Variants in HIF1A observed in about 807,000 individuals in gnomAD.
The protein encoded by HIF1A is hypoxia-inducible factor 1-alpha.
A neutral mutation model predicts 92.7 loss-of-function variants in HIF1A; 24 were observed. The observed-to-expected ratio is 0.26, with a 90% CI of 0.19 to 0.36. The LOEUF (loss-of-function observed/expected upper bound fraction) is 0.36, where lower values mean the gene tolerates loss of function less well. Among genes scored for constraint, HIF1A ranks in the 10% least tolerant of loss-of-function variants. HIF1A has a pLI of 1.00. For synonymous variants in HIF1A, 319 were observed against 338.7 expected, an observed-to-expected ratio of 0.94 and a Z score of 0.64; for missense variants, 799 against 998.5, an observed-to-expected ratio of 0.80 and a Z score of 2.69.
At chr14:61,711,035 G>A (rs1278963243) in intron 1 of HIF1A, among the ~76,000 whole-genome samples, 1 of 122,474 alleles carries the variant, frequency 8.2e-6, no homozygotes, top group Admixed American at 9.3e-5. Context: ...GCAACAGTGC[G>A]AGACTCTGTC....
chr14:61,705,825 A>G (rs1034821840), intron 1 of HIF1A, among the ~76,000 whole-genome samples: 1 of 151,992 alleles, frequency 6.6e-6, no homozygotes, highest in African/African-American at 2.4e-5. Flanking sequence ...GAAAACAGAG[A>G]CTCTTGCTTT....
chr14:61,734,690 C>T (rs1221129615), intron 8 of HIF1A, among the ~76,000 whole-genome samples: 1 of 149,662 alleles, frequency 6.7e-6, no homozygotes, highest in Non-Finnish European at 1.5e-5. Context: ...GGGGAAGTCT[C>T]TTCATTTTTC....
Position 61,740,749 on chromosome 14 carries a change from T to C in HIF1A, c.1660-6T>C, listed in dbSNP as rs1365907594. 1 of 1,603,526 alleles carries C rather than the reference T, an allele frequency of 6.2e-7. No homozygotes were observed. Among genetic ancestry groups the C allele is most frequent in the Non-Finnish European group, 8.5e-7 (1 of 1,174,980 alleles). On this transcript the variant is annotated splice_polypyrimidine_tract_variant and splice_region_variant and intron_variant, in intron 11 of 14. Transcript: ENST00000337138. The stretch of plus-strand genomic sequence containing the variant: ...TGTAAAAACTCATGTATTTGCTGTT[T>C]TAAAGGACACAGATTTAGACTTGGA...
chr14:61,744,782 A>G lies in HIF1A; in HGVS notation c.2171A>G (p.His724Arg), dbSNP rs2044756919. ...GCTCAGAGAAAGCGAAAAATGGAAC[A>G]TGATGGTTCACTTTTTCAAGCAGTA... is the stretch of plus-strand genomic sequence containing the variant. Reference protein sequence around the residue: ...QNAQRKRKMEHDGSLFQAVGI... With the variant: ...QNAQRKRKMERDGSLFQAVGI... The change falls in exon 13 of 15, where the codon CAT becomes CGT. Residue 724 changes from histidine (H) to arginine (R), a missense_variant. Transcript: ENST00000337138. The G allele has an allele frequency of 1.3e-6, 2 of 1,591,356 alleles. No homozygotes were observed. Among genetic ancestry groups the G allele is most frequent in the Non-Finnish European group, 1.7e-6 (2 of 1,162,510 alleles).
At chr14:61,730,653 A>T (rs1026648802) in intron 6 of HIF1A, among the ~76,000 whole-genome samples, 2 of 152,088 alleles carry the variant, frequency 1.3e-5, no homozygotes, top group Non-Finnish European at 2.9e-5. Flanking sequence ...ATTCCTTTGC[A>T]TGGATAGGAT....
chr14:61,733,942 G>C (rs2044605694), intron 7 of HIF1A, among the ~76,000 whole-genome samples, 196 bp from the exon 8 acceptor site: 1 of 152,102 alleles, frequency 6.6e-6, no homozygotes, highest in African/African-American at 2.4e-5. Context: ...TTTTATTTAG[G>C]GGGTTTGAAA....
At chr14:61,738,469 A>AAATT (rs1335404573) in intron 10 of HIF1A, 96 bp downstream of exon 10, 2 of 1,107,602 alleles carry the variant, frequency 1.8e-6, no homozygotes, top group African/African-American at 1.6e-5. Context: ...TTTGAACCAC[A>AAATT]AATTACATTT....
chr14:61,747,001 T>C lies in HIF1A; in HGVS notation c.2397T>C (p.Asp799=), dbSNP rs762942023. The part of the protein sequence containing the change: ...ESGLPQLTSY[D]CEVNAPIQGS... Reference sequence around the variant, plus strand: ...GATTACCACAGCTGACCAGTTATGATTGTGAAGTTAATGCTCCTATACAAG... The same window carrying C: ...GATTACCACAGCTGACCAGTTATGACTGTGAAGTTAATGCTCCTATACAAG... The change falls in exon 15 of 15, where the codon GAT becomes GAC. Residue 799 remains aspartate (D), a synonymous_variant. Transcript: ENST00000337138. 2.0e-5 allele frequency: 33 copies of C among 1,613,678 alleles called. 1 individual carries two copies. In the East Asian group the frequency reaches 4.9e-4, roughly 24 times the overall value.
chr14:61,710,966 G>A (rs2044299325), intron 1 of HIF1A, among the ~76,000 whole-genome samples: 1 of 150,616 alleles, frequency 6.6e-6, no homozygotes, highest in Admixed American at 6.6e-5. Context: ...AAAATCGCTT[G>A]AACCTGGGAG....
In HIF1A at chr14:61,695,527, C is replaced by T. The variant is rs1334233377; in HGVS notation, c.-278C>T. On this transcript the variant is annotated 5_prime_UTR_variant, in exon 1 of 15. Transcript: ENST00000337138. Reference sequence around the variant, plus strand: ...CTCAGCTCCTCAGTGCACAGTGCTGCCTCGTCTGAGGGGACAGGAGGATCA... The same window carrying T: ...CTCAGCTCCTCAGTGCACAGTGCTGTCTCGTCTGAGGGGACAGGAGGATCA... 1.9e-6 allele frequency: 1 copy of T among 528,050 alleles called. No individual in the cohort carries two copies. Among genetic ancestry groups the T allele is most frequent in the African/African-American group, 2.0e-5 (1 of 50,176 alleles). 32.7% of individuals were successfully genotyped at this position (528,050 alleles called of 1,614,324 possible). A position where few individuals can be genotyped will look rare whatever the true frequency, so the allele number is the denominator to read the frequency against.
Position 61,745,835 on chromosome 14 carries a change from G to C in HIF1A, c.2329+18G>C. 1.3e-6 allele frequency: 2 copies of C among 1,585,936 alleles called. No homozygotes were observed. Among genetic ancestry groups the C allele is most frequent in the Non-Finnish European group, 1.7e-6 (2 of 1,162,252 alleles). ...ACCCTCTGGTTAGTTTATTCTTTTT[G>C]ACCTTGAACATCACAAAGACAAAAT... On this transcript the variant is annotated intron_variant, in intron 14 of 14. Coordinates refer to ENST00000337138, the MANE Select transcript of HIF1A (RefSeq NM_001530.4).
intron 1 of HIF1A, among the ~76,000 whole-genome samples, chr14:61,718,268 CAAAG>C (rs1292811158): frequency 6.6e-6 from 1 of 152,128 alleles, no homozygotes; most frequent in African/African-American, 2.4e-5. Context: ...GCCTAGGTAA[CAAAG>C]AACGCCTGGA....
At chr14:61,704,728 A>G (rs1018953800) in intron 1 of HIF1A, among the ~76,000 whole-genome samples, 7 of 152,210 alleles carry the variant, frequency 4.6e-5, no homozygotes, top group African/African-American at 1.7e-4. Context: ...ACGCTTAACC[A>G]TGACTCAGGC....
chr14:61,736,141 G>C (rs1463122848), intron 8 of HIF1A, among the ~76,000 whole-genome samples: 1 of 151,922 alleles, frequency 6.6e-6, no homozygotes, highest in African/African-American at 2.4e-5. Flanking sequence ...ACCACACCGG[G>C]CTAATTTTTT....
chr14:61,716,987 A>C (rs1338372402), intron 1 of HIF1A: 1 of 152,200 alleles, frequency 6.6e-6, no homozygotes, highest in African/African-American at 2.4e-5. Flanking sequence ...GTAGCAGAAC[A>C]TATCAGCAGA....
intron 1 of HIF1A, among the ~76,000 whole-genome samples, chr14:61,706,321 G>A (rs1170531794): frequency 6.6e-6 from 1 of 152,098 alleles, no homozygotes; most frequent in African/African-American, 2.4e-5. Flanking sequence ...TCAGAGAACT[G>A]GAAAAAAATT....
At chr14:61,733,353 T>G (rs1165302802) in intron 7 of HIF1A, among the ~76,000 whole-genome samples, 3 of 152,202 alleles carry the variant, frequency 2.0e-5, no homozygotes, top group Non-Finnish European at 4.4e-5. Context: ...CCGGCCTCTT[T>G]TAGTTTCTTT....
At chr14:61,725,209 T>A (rs917674366) in intron 4 of HIF1A, among the ~76,000 whole-genome samples, 1 of 152,210 alleles carries the variant, frequency 6.6e-6, no homozygotes, top group Admixed American at 6.5e-5. Flanking sequence ...TTTTTATAAG[T>A]CTCAAGTACC....
At chr14:61,716,500 T>C (rs1566565252) in intron 1 of HIF1A, among the ~76,000 whole-genome samples, 1 of 152,212 alleles carries the variant, frequency 6.6e-6, no homozygotes, top group Non-Finnish European at 1.5e-5. Flanking sequence ...TAACTTCAGT[T>C]CTTGAAGTCA....
Sources: gnomAD v4.1 joint callset for allele counts (sites outside exome capture counted in the v4.1 genomes callset) on GRCh38, gnomAD v4.1.1 for gene constraint, MANE v1.5 for transcripts, NCBI Gene and HGNC (gene_info 2026-07-23, HGNC 2026-07-21) for gene names.